Variants in JAK2 observed in about 807,000 individuals in gnomAD.
JAK2 encodes tyrosine-protein kinase JAK2.
In JAK2, 86 loss-of-function variants were observed where a neutral mutation model predicts 139.3. The observed-to-expected ratio is 0.62, with a 90% CI of 0.52 to 0.74. The LOEUF is 0.74. JAK2 is among the 30% of genes least tolerant of loss of function. The pLI, the probability that JAK2 is intolerant of heterozygous loss-of-function variation, is 0.00. For synonymous variants in JAK2, 490 were observed against 437.7 expected, an observed-to-expected ratio of 1.12 and a Z score of -1.49; for missense variants, 1,421 against 1,360.3, an observed-to-expected ratio of 1.04 and a Z score of -0.70.
intron 10 of JAK2, 81 bp downstream of exon 10, chr9:5,066,870 T>C: frequency 1.1e-5 from 6 of 542,432 alleles, no homozygotes; most frequent in Non-Finnish European, 1.8e-5. Flanking sequence ...CCATATTTCC[T>C]TTTTAATACT....
intron 8 of JAK2, among the ~76,000 whole-genome samples, chr9:5,062,557 G>C (rs998789242): frequency 6.2e-5 from 8 of 129,866 alleles, no homozygotes; most frequent in African/African-American, 1.6e-4. Context: ...GAGCAATAAA[G>C]GGAAGTGCAG....
At chr9:5,029,685 TAA>T in intron 3 of JAK2, 96 bp from the exon 4 acceptor site, 1 of 1,106,042 alleles carries the variant, frequency 9.0e-7, no homozygotes, top group Non-Finnish European at 1.3e-6. Flanking sequence ...GTTCCGATTT[TAA>T]GAGTTGTTAC....
chr9:5,050,614 A>C, intron 5 of JAK2, 72 bp from the exon 6 acceptor site: 3 of 1,415,466 alleles, frequency 2.1e-6, no homozygotes, highest in South Asian at 1.2e-5. Context: ...ATTATGATTA[A>C]AATATAATCA....
At chr9:5,071,560 A>G (rs890525722) in intron 12 of JAK2, among the ~76,000 whole-genome samples, 29 of 152,344 alleles carry the variant, frequency 1.9e-4, no homozygotes, top group African/African-American at 6.5e-4. Context: ...AATTACTTAT[A>G]GCTGAAGAGA....
At chr9:5,040,079 C>G (rs951169034) in intron 4 of JAK2, among the ~76,000 whole-genome samples, 6 of 152,050 alleles carry the variant, frequency 3.9e-5, no homozygotes, top group African/African-American at 9.7e-5. Flanking sequence ...GGACTGTAAT[C>G]AAGACAATGT....
At chr9:5,037,673 C>T (rs2130247417) in intron 4 of JAK2, among the ~76,000 whole-genome samples, 1 of 152,086 alleles carries the variant, frequency 6.6e-6, no homozygotes, top group Admixed American at 6.5e-5. Flanking sequence ...CACATGGACA[C>T]AGGAATGGAA....
chr9:5,117,713 A>ATT (rs1823306043), intron 22 of JAK2, among the ~76,000 whole-genome samples: 1 of 151,950 alleles, frequency 6.6e-6, no homozygotes, highest in Non-Finnish European at 1.5e-5. Context: ...AATATTTAAT[A>ATT]TGGTAAATAC....
At position 5,127,182 on chromosome 9, in the gene JAK2, T is replaced by TAATA. The variant is rs2130867784; in HGVS notation, c.*392_*395dup. ...TATAGTTTTTACCACAGTGGATGTA[T>TAATA]AATACCTTGGCATCTTGTGTGATGT... On this transcript the variant is annotated 3_prime_UTR_variant, in exon 25 of 25. Coordinates refer to ENST00000381652, the MANE Select transcript of JAK2 (RefSeq NM_004972.4). 4.2e-6 allele frequency: 1 copy of TAATA among 236,956 alleles called. No homozygotes were observed. The highest frequency in any genetic ancestry group is 2.2e-5 in the African/African-American group (1 of 45,460). 14.7% of individuals were successfully genotyped at this position (236,956 alleles called of 1,614,324 possible). A position where few individuals can be genotyped will look rare whatever the true frequency, so the allele number is the denominator to read the frequency against.
intron 2 of JAK2, among the ~76,000 whole-genome samples, chr9:4,995,174 T>C (rs1403978999): frequency 1.3e-5 from 2 of 152,226 alleles, no homozygotes; most frequent in African/African-American, 4.8e-5. Flanking sequence ...TATTCTCCTT[T>C]TTTAGGGAAC....
At chr9:5,098,177 G>A (rs542333126) in intron 22 of JAK2, 1 of 152,146 alleles carries the variant, frequency 6.6e-6, no homozygotes, top group South Asian at 2.1e-4. Flanking sequence ...CACATTTGAA[G>A]AGCCAACCTA....
intron 2 of JAK2, among the ~76,000 whole-genome samples, chr9:5,002,065 T>C (rs1820957245): frequency 6.6e-6 from 1 of 151,942 alleles, no homozygotes; most frequent in Non-Finnish European, 1.5e-5. Context: ...TATGTGTTCT[T>C]TTCTGTTTGT....
At chr9:5,007,725 CT>C (rs113969875) in intron 2 of JAK2, among the ~76,000 whole-genome samples, 13,329 of 144,322 alleles carry the variant, frequency 0.092, 1,661 homozygotes, top group African/African-American at 0.3. Context: ...ATTATATTGT[CT>C]TTTTTTTTTT....
At chr9:5,048,342 T>C (rs1160658658) in intron 5 of JAK2, among the ~76,000 whole-genome samples, 1 of 151,966 alleles carries the variant, frequency 6.6e-6, no homozygotes, top group Non-Finnish European at 1.5e-5. Context: ...GGGGTTTCAC[T>C]ATGTTGGCCA....
At chr9:5,126,652 C>T (rs373518918) in intron 24 of JAK2, 32 bp from the exon 25 acceptor site, 2 of 1,447,240 alleles carry the variant, frequency 1.4e-6, no homozygotes. Flanking sequence ...CCTTAGTGTT[C>T]ATTTAATTTT....
intron 14 of JAK2, among the ~76,000 whole-genome samples, chr9:5,076,017 T>C (rs1472188326): frequency 6.6e-6 from 1 of 152,138 alleles, no homozygotes; most frequent in Non-Finnish European, 1.5e-5. Context: ...AGGAAGTCAC[T>C]GCAGAGATGG....
At chr9:5,094,189 C>T (rs1820801414) in intron 22 of JAK2, 1 of 152,108 alleles carries the variant, frequency 6.6e-6, no homozygotes, top group Admixed American at 6.6e-5. Context: ...GGACCTGATA[C>T]CGTAGGCCCC....
chr9:5,118,546 TG>T (rs1422816131), intron 22 of JAK2, among the ~76,000 whole-genome samples: 1 of 152,188 alleles, frequency 6.6e-6, no homozygotes, highest in African/African-American at 2.4e-5. Flanking sequence ...TATTGGTGAA[TG>T]GAACAATCCC....
At chr9:5,116,172 T>G (rs59405153) in intron 22 of JAK2, among the ~76,000 whole-genome samples, 3,310 of 152,270 alleles carry the variant, frequency 0.022, 139 homozygotes, top group African/African-American at 0.076. Context: ...TGTATGATTA[T>G]TATCTCTATT....
intron 4 of JAK2, chr9:5,041,238 G>T: frequency 6.8e-7 from 1 of 1,465,570 alleles, no homozygotes; most frequent in East Asian, 2.3e-5. Flanking sequence ...GGGACCAAGC[G>T]GCAGCACGCC....
Sources: gnomAD v4.1 joint callset for allele counts (sites outside exome capture counted in the v4.1 genomes callset) on GRCh38, gnomAD v4.1.1 for gene constraint, MANE v1.5 for transcripts, NCBI Gene and HGNC (gene_info 2026-07-23, HGNC 2026-07-21) for gene names.